The following GREB1L variants were observed in gnomAD, a reference collection of about 807,000 sequenced individuals.
The protein encoded by GREB1L is GREB1 like retinoic acid receptor coactivator.
Under a neutral mutation model 200.8 loss-of-function variants are expected in GREB1L, and 17 were observed. The observed-to-expected ratio is 0.08, with a 90% CI of 0.06 to 0.13. GREB1L has a LOEUF of 0.13. GREB1L is among the 10% of genes least tolerant of loss of function. The probability of loss-of-function intolerance (pLI) is 1.00; values close to 1 mark genes in which losing one functional copy is unlikely to be tolerated. For synonymous variants in GREB1L, 789 were observed against 893.0 expected (o/e 0.88, Z 2.08); for missense variants, 1,657 against 2,367.7 (o/e 0.70, Z 6.23).
At chr18:21,516,413 T>C (rs1446635208) in intron 29 of GREB1L, among the ~76,000 whole-genome samples, 200 bp from the exon 30 acceptor site, 2 of 152,156 alleles carry the variant, frequency 1.3e-5, no homozygotes, top group East Asian at 1.9e-4. Context: ...ACAAAAATAA[T>C]CTCACTTTCC....
At chr18:21,460,619 C>T (rs534115603) in intron 15 of GREB1L, among the ~76,000 whole-genome samples, 1 of 152,040 alleles carries the variant, frequency 6.6e-6, no homozygotes, top group South Asian at 2.1e-4. Context: ...GGATTACAGG[C>T]GTGAGCCACT....
intron 7 of GREB1L, among the ~76,000 whole-genome samples, chr18:21,419,292 C>A (rs2031939235): frequency 1.3e-5 from 2 of 152,136 alleles, no homozygotes; most frequent in South Asian, 4.1e-4. Context: ...TATTCATAGA[C>A]CACGTGATTG....
intron 1 of GREB1L, among the ~76,000 whole-genome samples, chr18:21,325,095 A>C (rs2039002920): frequency 6.6e-6 from 1 of 152,138 alleles, no homozygotes; most frequent in African/African-American, 2.4e-5. Context: ...TCCTTATTTT[A>C]TGTCAAGTTT....
At chr18:21,276,707 G>GT (rs1204777278) in intron 1 of GREB1L, among the ~76,000 whole-genome samples, 1 of 151,604 alleles carries the variant, frequency 6.6e-6, no homozygotes, top group Non-Finnish European at 1.5e-5. Context: ...TCTCTAAAAT[G>GT]TTTTCTTTAG....
At chr18:21,288,164 T>G (rs754312707) in intron 1 of GREB1L, among the ~76,000 whole-genome samples, 17 of 152,328 alleles carry the variant, frequency 1.1e-4, no homozygotes, top group Non-Finnish European at 2.1e-4. Context: ...CCCCATTCTT[T>G]TTTTTAGTGG....
In GREB1L at chr18:21,395,377, G is replaced by C. The variant is rs866353293; in HGVS notation, c.356-8G>C. The C allele has an allele frequency of 4.5e-6, 7 of 1,543,840 alleles. No individual in the cohort carries two copies. In the Middle Eastern group the frequency reaches 5.0e-4, roughly 110 times the overall value. ...TCACTGTGTCCTTTTTTTTAAACTG[G>C]TTTTTAGGTTTTTGTCAAGCAGGAA... On this transcript the variant is annotated splice_region_variant and splice_polypyrimidine_tract_variant and intron_variant, in intron 4 of 32. Transcript: ENST00000424526.
At chr18:21,308,937 T>C (rs2038746513) in intron 1 of GREB1L, among the ~76,000 whole-genome samples, 1 of 152,224 alleles carries the variant, frequency 6.6e-6, no homozygotes, top group Non-Finnish European at 1.5e-5. Flanking sequence ...ACCTCTGTGA[T>C]TCTCAAGCGT....
chr18:21,512,046 CT>C (rs2037259229), intron 27 of GREB1L, among the ~76,000 whole-genome samples: 1 of 152,164 alleles, frequency 6.6e-6, no homozygotes, highest in African/African-American at 2.4e-5. Flanking sequence ...TATTTCTGGG[CT>C]TTCTATAGGC....
Position 21,388,864 on chromosome 18 carries a change from C to T in GREB1L, c.355+4461C>T, listed in dbSNP as rs913802309. ...CTATTGGAATTCATTTGATGTTTTT[C>T]TCCTTATTAGATTGAGGTTATGGGA... is the stretch of plus-strand genomic sequence containing the variant. On this transcript the variant is annotated intron_variant, in intron 4 of 32. Coordinates refer to ENST00000424526, the MANE Select transcript of GREB1L (RefSeq NM_001142966.3). Among the ~76,000 whole-genome samples, 5 of 152,170 alleles carry T rather than the reference C, an allele frequency of 3.3e-5. No individual in the cohort carries two copies. The South Asian group carries it at 6.2e-4, about 19-fold the overall frequency.
chr18:21,512,954 G>A (rs769299098), intron 27 of GREB1L, among the ~76,000 whole-genome samples: 1 of 151,988 alleles, frequency 6.6e-6, no homozygotes, highest in Non-Finnish European at 1.5e-5. Context: ...TATCACCTAC[G>A]TTTTGTTTCA....
chr18:21,432,674 A>G (rs1268402349), intron 7 of GREB1L, among the ~76,000 whole-genome samples: 1 of 135,140 alleles, frequency 7.4e-6, no homozygotes, highest in Non-Finnish European at 1.6e-5. Flanking sequence ...TTTTTTTTTA[A>G]TTAAAAATTA....
chr18:21,365,283 G>T (rs1174453146), intron 1 of GREB1L, among the ~76,000 whole-genome samples: 2 of 151,988 alleles, frequency 1.3e-5, no homozygotes, highest in Non-Finnish European at 2.9e-5. Flanking sequence ...AGTAACAAAG[G>T]ACTAGAAATG....
intron 10 of GREB1L, among the ~76,000 whole-genome samples, chr18:21,442,898 TTC>T (rs2033981019): frequency 6.6e-6 from 1 of 152,022 alleles, no homozygotes; most frequent in Non-Finnish European, 1.5e-5. Context: ...TGTCATTTGT[TTC>T]TGTTTTTGTT....
chr18:21,315,404 T>C (rs2038852217), intron 1 of GREB1L, among the ~76,000 whole-genome samples: 1 of 152,222 alleles, frequency 6.6e-6, no homozygotes, highest in African/African-American at 2.4e-5. Flanking sequence ...TTTAAGACAT[T>C]GATCATTAAG....
At chr18:21,498,522 GAGGAGGAGCACAGCCTGTCTTCCTTCC>G (rs1306626178) in intron 21 of GREB1L, among the ~76,000 whole-genome samples, 1 of 152,192 alleles carries the variant, frequency 6.6e-6, no homozygotes, top group East Asian at 1.9e-4. Flanking sequence ...CCAGCATGAG[GAGGAGGAGCACAGCCTGTCTTCCTTCC>G]TGTGGTTCTT....
At chr18:21,353,046 G>T (rs2039456433) in intron 1 of GREB1L, among the ~76,000 whole-genome samples, 1 of 151,970 alleles carries the variant, frequency 6.6e-6, no homozygotes, top group Non-Finnish European at 1.5e-5. Context: ...GCCGGGCATG[G>T]TGGCGGGCGC....
At chr18:21,253,940 G>A (rs1215090673) in intron 1 of GREB1L, among the ~76,000 whole-genome samples, 1 of 150,590 alleles carries the variant, frequency 6.6e-6, no homozygotes, top group African/African-American at 2.5e-5. Context: ...GGGCTCAAAG[G>A]ATCCTCCTGC....
chr18:21,270,233 A>C (rs1309600928), intron 1 of GREB1L, among the ~76,000 whole-genome samples: 3 of 152,240 alleles, frequency 2.0e-5, no homozygotes, highest in Non-Finnish European at 2.9e-5. Flanking sequence ...AAAAGGGGAC[A>C]TTTATGCTTA....
intron 7 of GREB1L, among the ~76,000 whole-genome samples, chr18:21,437,083 CTTTTCTT>C (rs2033596902): frequency 6.6e-6 from 1 of 152,036 alleles, no homozygotes; most frequent in Non-Finnish European, 1.5e-5. Flanking sequence ...TTTTTGGAAA[CTTTTCTT>C]TTTTCTTTCT....
Sources: allele counts gnomAD v4.1 joint callset (sites outside exome capture counted in the v4.1 genomes callset), GRCh38; gene constraint gnomAD v4.1.1; transcripts MANE v1.5; gene names NCBI Gene and HGNC (gene_info 2026-07-23, HGNC 2026-07-21).